Variants in NTRK3 observed in about 807,000 individuals in gnomAD.
NTRK3 encodes the protein neurotrophic receptor tyrosine kinase 3.
Under a neutral mutation model 91.7 loss-of-function variants are expected in NTRK3, and 24 were observed. The observed-to-expected ratio is 0.26, with a 90% CI of 0.19 to 0.37. The LOEUF (loss-of-function observed/expected upper bound fraction) is 0.37, where lower values mean the gene tolerates loss of function less well. Ranked by LOEUF, NTRK3 falls within the 10% of genes least tolerant of loss-of-function variation. The pLI, the probability that NTRK3 is intolerant of heterozygous loss-of-function variation, is 1.00. For missense variants in NTRK3, 880 were observed against 1,068.9 expected, an observed-to-expected ratio of 0.82 and a Z score of 2.46; for synonymous variants, 483 against 404.0, an observed-to-expected ratio of 1.20 and a Z score of -2.34.
At chr15:88,030,427 G>C (rs2078421149) in intron 14 of NTRK3, among the ~76,000 whole-genome samples, 1 of 152,066 alleles carries the variant, frequency 6.6e-6, no homozygotes, top group South Asian at 2.1e-4. Context: ...TTATTCTGAA[G>C]GCCCAGAGGA....
rs554446981 is a variant in NTRK3, at chr15:87,967,652, C to T, written c.1586-26899G>A. Among the ~76,000 whole-genome samples, 76 of 152,292 alleles carry T rather than the reference C, an allele frequency of 5.0e-4. 1 individual carries two copies. The highest frequency in any genetic ancestry group is 1.7e-3 in the African/African-American group (72 of 41,560). ...CCAATGGGATTTTGTAAATCCTGTT[C>T]GTGCTGAGTCTCTTCAATCAACCAA... is the stretch of plus-strand genomic sequence containing the variant. On this transcript the variant is annotated intron_variant, in intron 14 of 18. Transcript: ENST00000394480.
intron 14 of NTRK3, among the ~76,000 whole-genome samples, chr15:87,998,005 G>C (rs1369345388): frequency 1.3e-5 from 2 of 152,210 alleles, no homozygotes. Flanking sequence ...AGAAGGTAAT[G>C]TAGGAATTAT....
At chr15:87,992,487 G>A (rs189218093) in intron 14 of NTRK3, among the ~76,000 whole-genome samples, 32 of 152,218 alleles carry the variant, frequency 2.1e-4, no homozygotes, top group African/African-American at 7.2e-4. Context: ...CCTCTTACCT[G>A]GAACTGTTTC....
chr15:88,101,699 G>C (rs1013811406), intron 13 of NTRK3, among the ~76,000 whole-genome samples: 1 of 152,172 alleles, frequency 6.6e-6, no homozygotes. Flanking sequence ...AAAAAATGAT[G>C]AGTTCGTGTC....
chr15:87,941,461 A>T (rs2069839134), intron 14 of NTRK3, among the ~76,000 whole-genome samples: 1 of 134,252 alleles, frequency 7.4e-6, no homozygotes, highest in South Asian at 2.7e-4. Context: ...GCATGCACAC[A>T]CACATACACA....
At chr15:88,246,500 T>A (rs1339524480) in intron 3 of NTRK3, among the ~76,000 whole-genome samples, 1 of 152,198 alleles carries the variant, frequency 6.6e-6, no homozygotes, top group Non-Finnish European at 1.5e-5. Flanking sequence ...TCAGACAGCC[T>A]GAGAGCCTGT....
rs1410195631 is a variant in NTRK3, at chr15:88,243,078, C to T, written c.248+12828G>A. On this transcript the variant is annotated intron_variant, in intron 3 of 18. Transcript: ENST00000394480. The surrounding 1 kb of genome is among the most constrained non-coding windows in gnomAD (Gnocchi z 4.8). ...CCTTCTTTCCACCCTCTTCCTTCAA[C>T]ACCAGGGACTTTGAGGAGCCCTGAG... Among the ~76,000 whole-genome samples, 1 of 152,208 alleles carries T rather than the reference C, an allele frequency of 6.6e-6. No homozygotes were observed. Among genetic ancestry groups the T allele is most frequent in the Non-Finnish European group, 1.5e-5 (1 of 68,042 alleles).
chr15:87,997,555 A>T, intron 14 of NTRK3, among the ~76,000 whole-genome samples: 1 of 152,168 alleles, frequency 6.6e-6, no homozygotes, highest in East Asian at 1.9e-4. Flanking sequence ...GATTTTGAGC[A>T]GTAAATATTT....
At chr15:87,999,647 G>C (rs555674202) in intron 14 of NTRK3, among the ~76,000 whole-genome samples, 2 of 152,288 alleles carry the variant, frequency 1.3e-5, no homozygotes, top group African/African-American at 4.8e-5. Context: ...CTGTGGATAG[G>C]GGCATGATAA....
chr15:88,207,951 G>A (rs1416399948), intron 3 of NTRK3, among the ~76,000 whole-genome samples: 1 of 152,156 alleles, frequency 6.6e-6, no homozygotes, highest in Non-Finnish European at 1.5e-5. Flanking sequence ...TGGATTCTGG[G>A]AGGCCAGCCT....
intron 14 of NTRK3, among the ~76,000 whole-genome samples, chr15:87,943,882 C>A (rs1395905750): frequency 1.3e-5 from 2 of 152,018 alleles, no homozygotes; most frequent in African/African-American, 2.4e-5. Context: ...GACCATATTA[C>A]TGGAAGCTCA....
intron 13 of NTRK3, among the ~76,000 whole-genome samples, chr15:88,050,574 C>A (rs1480101993): frequency 1.3e-5 from 2 of 151,376 alleles, no homozygotes; most frequent in African/African-American, 4.9e-5. Flanking sequence ...CACTCACACA[C>A]ACAAATAAAT....
At chr15:88,090,236 G>C (rs1020881252) in intron 13 of NTRK3, among the ~76,000 whole-genome samples, 5 of 152,132 alleles carry the variant, frequency 3.3e-5, no homozygotes, top group African/African-American at 1.2e-4. Flanking sequence ...TCATTTGTTT[G>C]TTTATTGTTT....
chr15:88,038,713 A>T (rs2079299689), intron 13 of NTRK3, among the ~76,000 whole-genome samples: 1 of 152,202 alleles, frequency 6.6e-6, no homozygotes, highest in Non-Finnish European at 1.5e-5. Flanking sequence ...AATAAAGTCT[A>T]AAAGACAAAA....
exon 7 of NTRK3, chr15:88,137,423 G>A (rs202151145): frequency 1.5e-5 from 25 of 1,613,996 alleles, no homozygotes; most frequent in Non-Finnish European, 5.1e-6. Flanking sequence ...TGATGTTCAT[G>A]CGGAAGAGAG....
intron 13 of NTRK3, among the ~76,000 whole-genome samples, chr15:88,104,252 C>G (rs2050473052): frequency 6.6e-6 from 1 of 152,226 alleles, no homozygotes; most frequent in Non-Finnish European, 1.5e-5. Context: ...ATGTCTAGAA[C>G]TGTTGCATGA....
intron 8 of NTRK3, 79 bp downstream of exon 8, chr15:88,136,388 G>T: frequency 1.3e-6 from 2 of 1,587,814 alleles, no homozygotes; most frequent in Non-Finnish European, 1.7e-6. Flanking sequence ...TAACAAGACC[G>T]CAAATTTTCC....
At chr15:88,157,656 G>A (rs1007654973) in intron 5 of NTRK3, among the ~76,000 whole-genome samples, 3 of 152,040 alleles carry the variant, frequency 2.0e-5, no homozygotes, top group Non-Finnish European at 4.4e-5. Flanking sequence ...GGGAACAGTG[G>A]GGAGCCCTCA....
intron 14 of NTRK3, among the ~76,000 whole-genome samples, chr15:87,987,879 A>G (rs368949064): frequency 1.7e-4 from 26 of 149,946 alleles, no homozygotes; most frequent in East Asian, 5.8e-4. Flanking sequence ...TCTGTCTCAA[A>G]ATAATAATAA....
Sources: allele counts gnomAD v4.1 joint callset (sites outside exome capture counted in the v4.1 genomes callset), GRCh38; gene constraint gnomAD v4.1.1; non-coding constraint Gnocchi (gnomAD v3.1); transcripts MANE v1.5; gene names NCBI Gene and HGNC (gene_info 2026-07-23, HGNC 2026-07-21).